Variants in MACROH2A1 observed in about 807,000 individuals in gnomAD.
MACROH2A1 encodes macroH2A.1 histone, also known as core histone macro-H2A.1.
MACROH2A1 carries 2 observed loss-of-function variants against 31.6 expected under a neutral mutation model. The ratio of observed to expected loss-of-function variants is 0.06; its 90% CI spans 0.03 to 0.20. The LOEUF (loss-of-function observed/expected upper bound fraction) is 0.20, where lower values mean the gene tolerates loss of function less well. Among genes scored for constraint, MACROH2A1 ranks in the 10% least tolerant of loss-of-function variants. MACROH2A1 has a pLI of 1.00. For missense variants in MACROH2A1, 230 were observed against 474.0 expected, an observed-to-expected ratio of 0.49 and a Z score of 4.78; for synonymous variants, 169 against 189.6, an observed-to-expected ratio of 0.89 and a Z score of 0.89.
intron 5 of MACROH2A1, chr5:135,359,024 A>C: frequency 2.0e-6 from 2 of 985,350 alleles, no homozygotes; most frequent in Non-Finnish European, 2.4e-6. Flanking sequence ...AGCAACAAGA[A>C]GGGCATCTGC....
At chr5:135,376,172 T>C (rs959801315) in intron 2 of MACROH2A1, among the ~76,000 whole-genome samples, 3 of 152,142 alleles carry the variant, frequency 2.0e-5, no homozygotes, top group South Asian at 4.1e-4. Context: ...TGATTGAAAG[T>C]AGTATTCCAA....
At chr5:135,393,341 C>T (rs1767514677) in intron 1 of MACROH2A1, among the ~76,000 whole-genome samples, 1 of 152,200 alleles carries the variant, frequency 6.6e-6, no homozygotes, top group African/African-American at 2.4e-5. Flanking sequence ...CAACTAATTG[C>T]AAGAGAGGTT....
intron 2 of MACROH2A1, among the ~76,000 whole-genome samples, chr5:135,370,498 C>T (rs1481622611): frequency 6.6e-6 from 1 of 152,130 alleles, no homozygotes; most frequent in Admixed American, 6.5e-5. Context: ...TCACCAGGGC[C>T]AAACCCAAAG....
At position 135,351,543 on chromosome 5, in the gene MACROH2A1, A is replaced by ATTTTTTTTTTTTTTTTTTTT. The variant is rs57605717; in HGVS notation, c.688+1383_688+1402dup. On this transcript the variant is annotated intron_variant, in intron 6 of 8. Transcript: ENST00000511689. ...TAGCCTATCTTATTTTTATGGTTTA[A>ATTTTTTTTTTTTTTTTTTTT]TTTTTTTTTTTTTTTTTTTTTTTTT... 11 of 48,496 alleles carry ATTTTTTTTTTTTTTTTTTTT rather than the reference A, an allele frequency of 2.3e-4. 4 individuals carry two copies. Among genetic ancestry groups the ATTTTTTTTTTTTTTTTTTTT allele is most frequent in the Non-Finnish European group, 2.4e-4 (6 of 24,962 alleles). 3.0% of individuals were successfully genotyped at this position (48,496 alleles called of 1,614,324 possible).
chr5:135,377,145 A>C (rs10463925), intron 2 of MACROH2A1, among the ~76,000 whole-genome samples: 146,170 of 152,256 alleles, frequency 0.96, 70,247 homozygotes, highest in East Asian at 1. Flanking sequence ...TTGTCTGACC[A>C]CAGCAGAGCG....
Position 135,369,330 on chromosome 5 carries a change from A to T in MACROH2A1, c.477+76T>A. On this transcript the variant is annotated intron_variant, in intron 4 of 8. Transcript: ENST00000511689. This position sits in a 1 kb window ranked among gnomAD's most constrained non-coding sequence, Gnocchi z 4.3. Reference sequence around the variant, plus strand: ...GTGGGATGAGCCCACAGGGGGAATGAGGGGGGTGCCCTGGTAACCCTGTTT... The same window carrying T: ...GTGGGATGAGCCCACAGGGGGAATGTGGGGGGTGCCCTGGTAACCCTGTTT... 1 of 1,186,888 alleles carries T rather than the reference A, an allele frequency of 8.4e-7. No individual in the cohort carries two copies. The highest frequency in any genetic ancestry group is 1.3e-6 in the Non-Finnish European group (1 of 796,068). The allele number at this position is 1,186,888 out of a possible 1,614,324, so 73.5% of individuals were successfully genotyped here.
Position 135,375,083 on chromosome 5 carries a change from T to C in MACROH2A1, c.173-4941A>G, listed in dbSNP as rs187569314. Among the ~76,000 whole-genome samples, 5 of 152,340 alleles carry C rather than the reference T, an allele frequency of 3.3e-5. No individual in the cohort carries two copies. The East Asian group carries it at 7.7e-4, about 24-fold the overall frequency. ...TTATAAATGGTGCAAAGGGAACAAG[T>C]TGAATGGTGAGCAAACTGGCCAGCT... On this transcript the variant is annotated intron_variant, in intron 2 of 8. Transcript: ENST00000511689.
intron 2 of MACROH2A1, among the ~76,000 whole-genome samples, chr5:135,386,751 T>C (rs1056749568): frequency 6.6e-6 from 1 of 152,198 alleles, no homozygotes; most frequent in African/African-American, 2.4e-5. Context: ...CAGATTTCTA[T>C]GCAGCACCGG....
chr5:135,342,044 G>A (rs190368168), intron 8 of MACROH2A1, among the ~76,000 whole-genome samples: 73 of 152,232 alleles, frequency 4.8e-4, no homozygotes, highest in African/African-American at 1.5e-3. Context: ...CCTCTTGGGC[G>A]CAAGTTGTTA....
intron 4 of MACROH2A1, among the ~76,000 whole-genome samples, chr5:135,368,574 G>C (rs1368729805): frequency 6.6e-6 from 1 of 152,272 alleles, no homozygotes; most frequent in African/African-American, 2.4e-5. Flanking sequence ...GCAGCCTCAA[G>C]ATTCCATTTT....
chr5:135,376,161 G>A (rs1764831840), intron 2 of MACROH2A1, among the ~76,000 whole-genome samples: 1 of 152,106 alleles, frequency 6.6e-6, no homozygotes, highest in African/African-American at 2.4e-5. Context: ...ACCTACAGCA[G>A]TGATTGAAAG....
Position 135,334,784 on chromosome 5 carries a change from TA to T in MACROH2A1, c.*191del, listed in dbSNP as rs1470088367. ...AGTGCTTAACAACAGTAATGCCAAC[TA>T]TCAGTGCTAACATAAAAACATTTTA... is the stretch of plus-strand genomic sequence containing the variant. On this transcript the variant is annotated 3_prime_UTR_variant, in exon 9 of 9. Transcript: ENST00000511689. 3.6e-5 allele frequency: 20 copies of T among 560,454 alleles called. No individual in the cohort carries two copies. Among genetic ancestry groups the T allele is most frequent in the Middle Eastern group, 4.7e-4 (1 of 2,120 alleles). 34.7% of individuals were successfully genotyped at this position (560,454 alleles called of 1,614,324 possible).
At chr5:135,391,941 T>G (rs1312769085) in intron 1 of MACROH2A1, among the ~76,000 whole-genome samples, 1 of 152,172 alleles carries the variant, frequency 6.6e-6, no homozygotes, top group East Asian at 1.9e-4. Flanking sequence ...CAGCCTGAGC[T>G]TCTGAGCTAG....
chr5:135,359,848 G>A (rs1762614813), intron 5 of MACROH2A1: 2 of 971,610 alleles, frequency 2.1e-6, no homozygotes, highest in Admixed American at 1.2e-4. Context: ...TCATTCTCAG[G>A]TCTTAAAAGC....
At chr5:135,359,892 T>C in intron 5 of MACROH2A1, 1 of 985,162 alleles carries the variant, frequency 1.0e-6, no homozygotes, top group Non-Finnish European at 1.2e-6. Context: ...TAAAAGTGAA[T>C]TGTCTTTTAC....
chr5:135,384,482 C>T (rs1051608059), intron 2 of MACROH2A1, among the ~76,000 whole-genome samples: 1 of 152,338 alleles, frequency 6.6e-6, no homozygotes, highest in East Asian at 1.9e-4. Flanking sequence ...ATAAAGATCA[C>T]TCATGGGACC....
chr5:135,339,954 T>C (rs1036576276), intron 8 of MACROH2A1, among the ~76,000 whole-genome samples: 4 of 152,232 alleles, frequency 2.6e-5, no homozygotes, highest in African/African-American at 4.8e-5. Context: ...CTTGAGTTTC[T>C]GTCCTTTTAT....
rs1441848711 is a variant in MACROH2A1 at position 135,398,533 on chromosome 5, T to A, written c.-34+529A>T. ...CGAGTAGCCCCCGCCTTCCCCTCCC[T>A]GCAGATAGCGAGCCAGACGCCTACA... On this transcript the variant is annotated intron_variant, in intron 1 of 8. Coordinates refer to ENST00000511689, the MANE Select transcript of MACROH2A1 (RefSeq NM_138610.3). This position sits in a 1 kb window ranked among gnomAD's most constrained non-coding sequence, Gnocchi z 4.6. 6.6e-6 allele frequency among the ~76,000 whole-genome samples: 1 copy of A among 152,142 alleles called. No individual in the cohort carries two copies. Among genetic ancestry groups the A allele is most frequent in the Non-Finnish European group, 1.5e-5 (1 of 68,010 alleles).
At chr5:135,335,663 A>T (rs1384863957) in intron 8 of MACROH2A1, among the ~76,000 whole-genome samples, 4 of 152,232 alleles carry the variant, frequency 2.6e-5, no homozygotes. Flanking sequence ...CCCAGAGGCC[A>T]GAACGCAGGG....
Sources: allele counts gnomAD v4.1 joint callset (sites outside exome capture counted in the v4.1 genomes callset), GRCh38; gene constraint gnomAD v4.1.1; non-coding constraint Gnocchi (gnomAD v3.1); transcripts MANE v1.5; gene names NCBI Gene and HGNC (gene_info 2026-07-23, HGNC 2026-07-21).